Variants in EDA observed in about 807,000 individuals in gnomAD.
The protein encoded by EDA is ectodysplasin-A.
A neutral mutation model predicts 23.6 loss-of-function variants in EDA; 2 were observed. The observed-to-expected ratio is 0.08, with a 90% CI of 0.03 to 0.27. The LOEUF is 0.27. EDA is among the 10% of genes least tolerant of loss of function. The pLI, the probability that EDA is intolerant of heterozygous loss-of-function variation, is 1.00. For synonymous variants in EDA, 131 were observed against 132.0 expected (o/e 0.99, Z 0.05); for missense variants, 229 against 324.2 (o/e 0.71, Z 2.26).
At chrX:69,700,653 G>T (rs1193070178) in intron 1 of EDA, among the ~76,000 whole-genome samples, 1 of 111,245 alleles carries the variant, frequency 9.0e-6, no homozygotes, top group Non-Finnish European at 1.9e-5. Context: ...ATGGGATACT[G>T]CTTCTGTGAT....
intron 1 of EDA, among the ~76,000 whole-genome samples, chrX:69,646,004 G>A (rs937602975): frequency 2.7e-5 from 3 of 111,255 alleles, no homozygotes; most frequent in African/African-American, 9.8e-5. Context: ...GTGGTTTTGA[G>A]TGAATTTCTT....
chrX:69,930,367 G>A (rs997484794), intron 1 of EDA, among the ~76,000 whole-genome samples: 5 of 110,795 alleles, frequency 4.5e-5, no homozygotes, highest in Non-Finnish European at 7.6e-5. Context: ...TACTTTTAAT[G>A]GGGAAATATC....
At chrX:69,867,134 C>T (rs1011543227) in intron 1 of EDA, among the ~76,000 whole-genome samples, 4 of 112,048 alleles carry the variant, frequency 3.6e-5, no homozygotes, top group African/African-American at 1.3e-4. Flanking sequence ...GAGCACTCAG[C>T]AGTGGCTGTA....
At chrX:69,780,451 C>T (rs73529663) in intron 1 of EDA, among the ~76,000 whole-genome samples, 3 of 111,504 alleles carry the variant, frequency 2.7e-5, no homozygotes, top group African/African-American at 9.8e-5. Flanking sequence ...ACCATTACCA[C>T]AATCCATTTT....
At chrX:69,781,777 A>C (rs2014953032) in intron 1 of EDA, among the ~76,000 whole-genome samples, 1 of 111,324 alleles carries the variant, frequency 9.0e-6, no homozygotes, top group African/African-American at 3.3e-5. Flanking sequence ...TGTTAGACAG[A>C]AATTCTATGA....
intron 1 of EDA, among the ~76,000 whole-genome samples, chrX:69,866,721 C>A (rs2017491360): frequency 9.0e-6 from 1 of 111,726 alleles, no homozygotes; most frequent in Non-Finnish European, 1.9e-5. Flanking sequence ...GCATTGTAAT[C>A]GTGACTTCAA....
intron 1 of EDA, among the ~76,000 whole-genome samples, chrX:69,617,932 A>G (rs1252000307): frequency 9.0e-6 from 1 of 110,569 alleles, no homozygotes; most frequent in Non-Finnish European, 1.9e-5. Context: ...TTAAAAAAAA[A>G]AAAAAAGATG....
At chrX:69,862,745 A>C (rs918131650) in intron 1 of EDA, among the ~76,000 whole-genome samples, 5 of 111,637 alleles carry the variant, frequency 4.5e-5, no homozygotes, top group African/African-American at 1.6e-4. Flanking sequence ...TGCCTGGCCA[A>C]GAACATATTT....
At chrX:69,941,001 A>C (rs771959046) in intron 1 of EDA, among the ~76,000 whole-genome samples, 9 of 111,367 alleles carry the variant, frequency 8.1e-5, no homozygotes, top group Non-Finnish European at 1.7e-4. Context: ...GAAATTTTTT[A>C]ATTTCCTTCT....
chrX:69,833,184 A>G (rs1467947431), intron 1 of EDA, among the ~76,000 whole-genome samples: 1 of 111,773 alleles, frequency 8.9e-6, no homozygotes, highest in Non-Finnish European at 1.9e-5. Context: ...GTTTGTCATA[A>G]ATAGCTCTAA....
intron 1 of EDA, among the ~76,000 whole-genome samples, chrX:69,697,519 CA>C (rs1379041193): frequency 3.3e-4 from 37 of 111,805 alleles, no homozygotes; most frequent in African/African-American, 1.2e-3. Context: ...ACCTTGGAAA[CA>C]AAGAAAAACT....
intron 1 of EDA, among the ~76,000 whole-genome samples, chrX:69,778,001 A>C (rs930968868): frequency 1.8e-5 from 2 of 111,449 alleles, no homozygotes; most frequent in African/African-American, 6.5e-5. Context: ...TATGACTCCT[A>C]TCATAAGACG....
chrX:69,947,758 G>C lies in EDA; in HGVS notation c.397-9269G>C, dbSNP rs191323312. On this transcript the variant is annotated intron_variant, in intron 1 of 7. Transcript: ENST00000374552. ...AGTTCACCAAGTAGATGTGATATCT[G>C]TGGTGGGTGTAAATTTCAAAGTCAT... Among the ~76,000 whole-genome samples the C allele has an allele frequency of 2.7e-5, 3 of 112,137 alleles. No homozygotes were observed. In the East Asian group the frequency reaches 8.4e-4, roughly 31 times the overall value.
chrX:69,892,198 G>T (rs1035046261), intron 1 of EDA, among the ~76,000 whole-genome samples: 1 of 112,023 alleles, frequency 8.9e-6, no homozygotes, highest in African/African-American at 3.2e-5. Flanking sequence ...TATGCAGAAG[G>T]TTAATTGAGT....
chrX:69,706,885 C>CA (rs1232871402), intron 1 of EDA, among the ~76,000 whole-genome samples: 1 of 111,526 alleles, frequency 9.0e-6, no homozygotes, highest in Non-Finnish European at 1.9e-5. Context: ...CACTTCCTGT[C>CA]ATGGCCTGGA....
At chrX:69,917,846 C>T (rs5936795) in intron 1 of EDA, among the ~76,000 whole-genome samples, 33,233 of 109,945 alleles carry the variant, frequency 0.3, 4,287 homozygotes, top group East Asian at 0.94. Context: ...CAAACTCCTA[C>T]GTAAGCATGA....
intron 1 of EDA, among the ~76,000 whole-genome samples, chrX:69,830,129 C>T (rs1478436024): frequency 9.0e-6 from 1 of 111,302 alleles, no homozygotes; most frequent in Non-Finnish European, 1.9e-5. Context: ...GCTTCTTCCC[C>T]ATGCATTTTT....
intron 1 of EDA, among the ~76,000 whole-genome samples, chrX:69,718,042 C>A (rs764605904): frequency 2.4e-4 from 27 of 111,700 alleles, no homozygotes; most frequent in Non-Finnish European, 4.0e-4. Context: ...CGTGATTGGC[C>A]TCCCCAGAAG....
At chrX:69,852,813 C>G (rs1157551563) in intron 1 of EDA, among the ~76,000 whole-genome samples, 1 of 111,676 alleles carries the variant, frequency 9.0e-6, no homozygotes, top group African/African-American at 3.3e-5. Context: ...CAAGCCCACA[C>G]TCAAAAAAAG....
Sources: allele counts gnomAD v4.1 joint callset (sites outside exome capture counted in the v4.1 genomes callset), GRCh38; gene constraint gnomAD v4.1.1; transcripts MANE v1.5; gene names NCBI Gene and HGNC (gene_info 2026-07-23, HGNC 2026-07-21).